SAMD5: variants seen among roughly 807,000 people sequenced by gnomAD.
The protein encoded by SAMD5 is sterile alpha motif domain-containing protein 5.
SAMD5 carries 13 observed loss-of-function variants against 11.3 expected under a neutral mutation model. The observed-to-expected ratio is 1.15, with a 90% CI of 0.75 to 1.83. SAMD5 has a LOEUF of 1.83. SAMD5 is among the 40% of genes most tolerant of loss of function. The pLI, the probability that SAMD5 is intolerant of heterozygous loss-of-function variation, is 0.00. For synonymous variants in SAMD5, 129 were observed against 111.3 expected, an observed-to-expected ratio of 1.16 and a Z score of -1.00; for missense variants, 255 against 239.1, an observed-to-expected ratio of 1.07 and a Z score of -0.44.
chr6:147,794,318 T>A, the SAMD5 span, among the ~76,000 whole-genome samples: 1 of 152,152 alleles, frequency 6.6e-6, no homozygotes, highest in East Asian at 1.9e-4. Flanking sequence ...TCAATAAATA[T>A]TACTTTTCTT....
At position 147,576,177 on chromosome 6, in the gene SAMD5, G is replaced by T. The variant is rs1789214296; in HGVS notation, c.162+66790G>T. Among the ~76,000 whole-genome samples the T allele has an allele frequency of 2.1e-5, 3 of 144,220 alleles. No homozygotes were observed. In the South Asian group the frequency reaches 6.6e-4, roughly 32 times the overall value. 94.6% of individuals were successfully genotyped at this position (144,220 alleles called of 152,430 possible). ...TTTTTTGAGATGGAGTCTTACTCCT[G>T]TTGCACAGGCTGGAGTGCAGTGGCA... On this transcript the variant is annotated intron_variant, in intron 1 of 1. Transcript: ENST00000566741.
chr6:147,564,792 G>A lies in SAMD5; in HGVS notation c.*336G>A. The A allele has an allele frequency of 8.9e-6, 9 of 1,009,218 alleles. No individual in the cohort carries two copies. The highest frequency in any genetic ancestry group is 1.1e-5 in the Non-Finnish European group (9 of 844,966). The allele number at this position is 1,009,218 out of a possible 1,614,324, so 62.5% of individuals were successfully genotyped here. Reference sequence around the variant, plus strand: ...AGATGAGGTTGGCTAAGGCATTTGAGTCATAACTTAGTTTAAGTACAATAT... The same window carrying A: ...AGATGAGGTTGGCTAAGGCATTTGAATCATAACTTAGTTTAAGTACAATAT... On this transcript the variant is annotated 3_prime_UTR_variant, in exon 2 of 2. Coordinates refer to ENST00000367474, the MANE Select transcript of SAMD5 (RefSeq NM_001030060.3).
At position 147,579,416 on chromosome 6, in the gene SAMD5, C is replaced by T. The variant is rs574221371; in HGVS notation, c.162+70029C>T. 5.0e-4 allele frequency among the ~76,000 whole-genome samples: 74 copies of T among 147,682 alleles called. 1 individual carries two copies. The South Asian group carries it at 0.013, about 26-fold the overall frequency. The stretch of plus-strand genomic sequence containing the variant: ...TCTAGGCTGAGGAGAAGAATAAAAG[C>T]GAAGATATGCCTGCGATAGTTTGGA... On this transcript the variant is annotated intron_variant, in intron 1 of 1. Coordinates refer to the SAMD5 transcript ENST00000566741.
chr6:147,766,315 A>C, the SAMD5 span, among the ~76,000 whole-genome samples: 6 of 152,084 alleles, frequency 3.9e-5, no homozygotes, highest in Non-Finnish European at 7.4e-5. Flanking sequence ...AGATCAGAAA[A>C]GAACACAACA....
chr6:147,553,546 A>G (rs932680337), intron 1 of SAMD5, among the ~76,000 whole-genome samples: 1 of 152,182 alleles, frequency 6.6e-6, no homozygotes, highest in African/African-American at 2.4e-5. Flanking sequence ...ACGATGCCAT[A>G]AGGTTACCTT....
At chr6:147,831,371 CTTTT>C in the SAMD5 span, among the ~76,000 whole-genome samples, 3 of 152,174 alleles carry the variant, frequency 2.0e-5, no homozygotes, top group African/African-American at 7.2e-5. Flanking sequence ...AGAAAAAACA[CTTTT>C]CCACCCCAAA....
intron 1 of SAMD5, among the ~76,000 whole-genome samples, chr6:147,654,994 A>G (rs1357733233): frequency 6.6e-6 from 1 of 152,200 alleles, no homozygotes; most frequent in Non-Finnish European, 1.5e-5. Context: ...ATGATTCACC[A>G]CATGTGTGTT....
At chr6:147,827,347 G>GTAAA in the SAMD5 span, among the ~76,000 whole-genome samples, 1 of 151,932 alleles carries the variant, frequency 6.6e-6, no homozygotes, top group African/African-American at 2.4e-5. Flanking sequence ...GGAAGGAATA[G>GTAAA]TAAATAAATA....
At chr6:147,879,365 T>G in the SAMD5 span, among the ~76,000 whole-genome samples, 1 of 152,026 alleles carries the variant, frequency 6.6e-6, no homozygotes, top group Non-Finnish European at 1.5e-5. Flanking sequence ...GAGATGAGCG[T>G]GATTGACAGA....
chr6:147,603,099 C>G (rs1471234249), intron 1 of SAMD5, among the ~76,000 whole-genome samples: 1 of 152,064 alleles, frequency 6.6e-6, no homozygotes, highest in Admixed American at 6.5e-5. Context: ...ATAAGACTAC[C>G]CAAGTTCAAG....
chr6:147,806,240 A>T, the SAMD5 span, among the ~76,000 whole-genome samples: 1 of 152,202 alleles, frequency 6.6e-6, no homozygotes, highest in Non-Finnish European at 1.5e-5. Context: ...CAAGATTAAT[A>T]ATCTATGCGG....
At chr6:147,899,189 A>AAAAAAAG in the SAMD5 span, among the ~76,000 whole-genome samples, 28 of 123,402 alleles carry the variant, frequency 2.3e-4, no homozygotes, top group South Asian at 4.9e-4. Context: ...AAAAAAAAAA[A>AAAAAAAG]AAAAGATAAC....
intron 1 of SAMD5, among the ~76,000 whole-genome samples, chr6:147,512,887 CATG>C: frequency 1.3e-5 from 2 of 152,266 alleles, no homozygotes; most frequent in South Asian, 4.1e-4. Flanking sequence ...ATGAGAAGTA[CATG>C]ATACCATGAA....
At chr6:147,863,217 A>G in the SAMD5 span, among the ~76,000 whole-genome samples, 2 of 152,198 alleles carry the variant, frequency 1.3e-5, no homozygotes, top group Non-Finnish European at 2.9e-5. Context: ...GCATCTTTAC[A>G]GTTTTGCTGC....
chr6:147,860,294 G>T, the SAMD5 span, among the ~76,000 whole-genome samples: 4 of 152,154 alleles, frequency 2.6e-5, no homozygotes, highest in Non-Finnish European at 5.9e-5. Flanking sequence ...TTGGACTAAG[G>T]TCCGCCCTAA....
chr6:147,552,082 A>C (rs923274739), intron 1 of SAMD5, among the ~76,000 whole-genome samples: 1 of 151,902 alleles, frequency 6.6e-6, no homozygotes, highest in African/African-American at 2.4e-5. Flanking sequence ...GGTCCTTTCT[A>C]TTTTATCTCT....
the SAMD5 span, among the ~76,000 whole-genome samples, chr6:147,814,381 C>T: frequency 6.6e-6 from 1 of 152,120 alleles, no homozygotes; most frequent in East Asian, 1.9e-4. Context: ...AATATTAATA[C>T]ATATTACAGG....
At chr6:147,913,159 C>G in the SAMD5 span, among the ~76,000 whole-genome samples, 1 of 151,964 alleles carries the variant, frequency 6.6e-6, no homozygotes, top group Non-Finnish European at 1.5e-5. Context: ...CAAATTGAAA[C>G]AAGTCAACCT....
intron 1 of SAMD5, among the ~76,000 whole-genome samples, chr6:147,615,169 G>A (rs998276417): frequency 4.7e-5 from 7 of 150,362 alleles, no homozygotes; most frequent in African/African-American, 7.5e-5. Flanking sequence ...CACAGATATC[G>A]AAGGATGACT....
Sources: allele counts gnomAD v4.1 joint callset (sites outside exome capture counted in the v4.1 genomes callset), GRCh38; gene constraint gnomAD v4.1.1; transcripts MANE v1.5; gene names NCBI Gene and HGNC (gene_info 2026-07-23, HGNC 2026-07-21).